Variants in ATXN7L3B observed in about 807,000 individuals in gnomAD.
ATXN7L3B encodes the protein ataxin 7 like 3B.
ATXN7L3B carries 4 observed loss-of-function variants against 6.3 expected under a neutral mutation model. The observed-to-expected ratio is 0.63, with a 90% CI of 0.31 to 1.45. The LOEUF (loss-of-function observed/expected upper bound fraction) is 1.45, where lower values mean the gene tolerates loss of function less well. Ranked by LOEUF, ATXN7L3B falls within the 40% of genes most tolerant of loss-of-function variation. The pLI is 0.07. For synonymous variants in ATXN7L3B, 63 were observed against 48.0 expected, an observed-to-expected ratio of 1.31 and a Z score of -1.29; for missense variants, 120 against 118.5, an observed-to-expected ratio of 1.01 and a Z score of -0.06.
chr12:74,543,608 T>A lies in ATXN7L3B; in HGVS notation c.*5202T>A, dbSNP rs1296658014. 4 of 152,006 alleles carry A rather than the reference T, an allele frequency of 2.6e-5. No individual in the cohort carries two copies. The highest frequency in any genetic ancestry group is 1.9e-4 in the East Asian group (1 of 5,192). The allele number at this position is 152,006 out of a possible 1,614,324, so 9.4% of individuals were successfully genotyped here. On this transcript the variant is annotated 3_prime_UTR_variant, in exon 1 of 1. Coordinates refer to ENST00000519948, the MANE Select transcript of ATXN7L3B (RefSeq NM_001136262.2). ...AATAATACCAAAATAGATTTTTTTT[T>A]TAAATGAAGATGTTAGCAAACCAAC...
chr12:74,544,769 C>T lies in ATXN7L3B; in HGVS notation c.*6363C>T, dbSNP rs549414564. The T allele has an allele frequency of 5.9e-5, 9 of 151,912 alleles. No individual in the cohort carries two copies. The South Asian group carries it at 1.5e-3, about 25-fold the overall frequency. The allele number at this position is 151,912 out of a possible 1,614,324, so 9.4% of individuals were successfully genotyped here. A position where few individuals can be genotyped will look rare whatever the true frequency, so the allele number is the denominator to read the frequency against. ...AACATAGAGAAAAGATTGATGTGTT[C>T]GACCATAATAAAAATAGAACTTTCT... On this transcript the variant is annotated 3_prime_UTR_variant, in exon 1 of 1. Coordinates refer to ENST00000519948, the MANE Select transcript of ATXN7L3B (RefSeq NM_001136262.2).
At position 74,544,759 on chromosome 12, in the gene ATXN7L3B, T is replaced by C. The variant is rs563801436; in HGVS notation, c.*6353T>C. 2.3e-4 allele frequency: 35 copies of C among 152,144 alleles called. No homozygotes were observed. The highest frequency in any genetic ancestry group is 7.9e-4 in the African/African-American group (33 of 41,570). 9.4% of individuals were successfully genotyped at this position (152,144 alleles called of 1,614,324 possible). A position where few individuals can be genotyped will look rare whatever the true frequency, so the allele number is the denominator to read the frequency against. On this transcript the variant is annotated 3_prime_UTR_variant, in exon 1 of 1. Coordinates refer to ENST00000519948, the MANE Select transcript of ATXN7L3B (RefSeq NM_001136262.2). The stretch of plus-strand genomic sequence containing the variant: ...AAAAGTACAAAACATAGAGAAAAGA[T>C]TGATGTGTTCGACCATAATAAAAAT...
At position 74,538,280 on chromosome 12, in the gene ATXN7L3B, G is replaced by A. The variant is rs765467134; in HGVS notation, c.168G>A (p.Val56=). The change falls in exon 1 of 1, where the codon GTG becomes GTA. Residue 56 remains valine (V), a synonymous_variant. Transcript: ENST00000519948. ...TGGAGTTCGCAGAGACTGGTAGCGT[G>A]AAGGATTTTGGCATTCAGCCAGTGG... ...FYLEFAETGS[V]KDFGIQPVED... The A allele has an allele frequency of 5.7e-6, 9 of 1,568,168 alleles. No homozygotes were observed. The South Asian group carries it at 9.4e-5, about 16-fold the overall frequency.
chr12:74,540,056 CT>C lies in ATXN7L3B; in HGVS notation c.*1656del, dbSNP rs78518899. ...CCTGCTTCCGAAGCCTGCCCAATTTCTTTTTTCTTGGCCTCTGTTTTTTTTT... is the reference window on the plus strand; with the variant it reads ...CCTGCTTCCGAAGCCTGCCCAATTTCTTTTTCTTGGCCTCTGTTTTTTTTT... On this transcript the variant is annotated 3_prime_UTR_variant, in exon 1 of 1. Coordinates refer to ENST00000519948, the MANE Select transcript of ATXN7L3B (RefSeq NM_001136262.2). The C allele has an allele frequency of 0.068, 10,358 of 151,966 alleles. 893 individuals carry two copies. The highest frequency in any genetic ancestry group is 0.5 in the East Asian group (2,424 of 4,856). The allele number at this position is 151,966 out of a possible 1,614,324, so 9.4% of individuals were successfully genotyped here. A position where few individuals can be genotyped will look rare whatever the true frequency, so the allele number is the denominator to read the frequency against.
In ATXN7L3B at chr12:74,544,124, T is replaced by A. The variant is rs997270517; in HGVS notation, c.*5718T>A. The A allele has an allele frequency of 5.3e-5, 8 of 152,024 alleles. No individual in the cohort carries two copies. Among genetic ancestry groups the A allele is most frequent in the Non-Finnish European group, 1.0e-4 (7 of 67,868 alleles). 9.4% of individuals were successfully genotyped at this position (152,024 alleles called of 1,614,324 possible). A position where few individuals can be genotyped will look rare whatever the true frequency, so the allele number is the denominator to read the frequency against. On this transcript the variant is annotated 3_prime_UTR_variant, in exon 1 of 1. Transcript: ENST00000519948. ...ATAAGATCAATATCTAAAATCAGAA[T>A]ACCAACATTTAAAAAGTGTTATTAA...
At position 74,541,129 on chromosome 12, in the gene ATXN7L3B, A is replaced by AGT. The variant is rs3031589; in HGVS notation, c.*2738_*2739dup. The stretch of plus-strand genomic sequence containing the variant: ...ACCCTGCAATCCTATTATGTATCTG[A>AGT]GTGTGTGTGTGTGTGTATGTGTGTG... On this transcript the variant is annotated 3_prime_UTR_variant, in exon 1 of 1. Transcript: ENST00000519948. The AGT allele has an allele frequency of 3.1e-3, 507 of 162,930 alleles. 1 individual carries two copies. Among genetic ancestry groups the AGT allele is most frequent in the Non-Finnish European group, 4.6e-3 (307 of 67,180 alleles). The allele number at this position is 162,930 out of a possible 1,614,324, so 10.1% of individuals were successfully genotyped here. A position where few individuals can be genotyped will look rare whatever the true frequency, so the allele number is the denominator to read the frequency against.
chr12:74,542,553 G>A lies in ATXN7L3B; in HGVS notation c.*4147G>A, dbSNP rs546636079. ...GGTTATTTCTTATGTTTTCTGACTA[G>A]TATGATCTTTAAAGAAAAAAAAAAA... On this transcript the variant is annotated 3_prime_UTR_variant, in exon 1 of 1. Transcript: ENST00000519948. 5 of 117,298 alleles carry A rather than the reference G, an allele frequency of 4.3e-5. No individual in the cohort carries two copies. The South Asian group carries it at 1.6e-3, about 37-fold the overall frequency. The allele number at this position is 117,298 out of a possible 1,614,324, so 7.3% of individuals were successfully genotyped here.
chr12:74,538,381 A>G lies in ATXN7L3B; in HGVS notation c.269A>G (p.Gln90Arg). Residue 90 changes from glutamine (Q) to arginine (R), a missense_variant, in exon 1 of 1, where the codon CAG becomes CGG. Coordinates refer to ENST00000519948, the MANE Select transcript of ATXN7L3B (RefSeq NM_001136262.2). ...GGGAATGGGCCTGATCAGCAGCTGC[A>G]GCGCTCACCTCCGGAATTCCAGTAG... ...EPGNGPDQQLQRSPPEFQ is the reference protein window; with the variant it reads ...EPGNGPDQQLRRSPPEFQ 1 of 1,551,500 alleles carries G rather than the reference A, an allele frequency of 6.4e-7. No homozygotes were observed. The highest frequency in any genetic ancestry group is 8.7e-7 in the Non-Finnish European group (1 of 1,146,804).
chr12:74,538,257 G>C lies in ATXN7L3B; in HGVS notation c.145G>C (p.Glu49Gln). The C allele has an allele frequency of 6.3e-7, 1 of 1,588,318 alleles. No homozygotes were observed. The highest frequency in any genetic ancestry group is 8.6e-7 in the Non-Finnish European group (1 of 1,167,174). ...RAVKCGYFYLEFAETGSVKDF... is the reference protein window; with the variant it reads ...RAVKCGYFYLQFAETGSVKDF... ...AGTCAAGTGTGGCTACTTCTACCTG[G>C]AGTTCGCAGAGACTGGTAGCGTGAA... The change falls in exon 1 of 1, where the codon GAG becomes CAG. Residue 49 changes from glutamate to glutamine, a missense_variant. Coordinates refer to ENST00000519948, the MANE Select transcript of ATXN7L3B (RefSeq NM_001136262.2).
In ATXN7L3B at chr12:74,542,135, G is replaced by T. The variant is rs1478815171; in HGVS notation, c.*3729G>T. ...ATAGGATACCTCAGGGAAGCTTATA[G>T]ATGTGTAACATGGTATTGAGTCTTC... On this transcript the variant is annotated 3_prime_UTR_variant, in exon 1 of 1. Coordinates refer to ENST00000519948, the MANE Select transcript of ATXN7L3B (RefSeq NM_001136262.2). 1 of 152,190 alleles carries T rather than the reference G, an allele frequency of 6.6e-6. No individual in the cohort carries two copies. Among genetic ancestry groups the T allele is most frequent in the Non-Finnish European group, 1.5e-5 (1 of 68,018 alleles). The allele number at this position is 152,190 out of a possible 1,614,324, so 9.4% of individuals were successfully genotyped here. A position where few individuals can be genotyped will look rare whatever the true frequency, so the allele number is the denominator to read the frequency against.
rs1019008037 is a variant in ATXN7L3B, at chr12:74,539,030, C to G, written c.*624C>G. ...TCAAAACCACGTGTTTCCCAAAAGTCCAGACTACAATGATTCAGCTGACTT... is the reference window on the plus strand; with the variant it reads ...TCAAAACCACGTGTTTCCCAAAAGTGCAGACTACAATGATTCAGCTGACTT... On this transcript the variant is annotated 3_prime_UTR_variant, in exon 1 of 1. Transcript: ENST00000519948. 4.8e-5 allele frequency: 8 copies of G among 167,994 alleles called. No individual in the cohort carries two copies. The highest frequency in any genetic ancestry group is 1.9e-4 in the African/African-American group (8 of 41,470). 10.4% of individuals were successfully genotyped at this position (167,994 alleles called of 1,614,324 possible). A position where few individuals can be genotyped will look rare whatever the true frequency, so the allele number is the denominator to read the frequency against.
chr12:74,540,071 CTGTTT>C lies in ATXN7L3B; in HGVS notation c.*1667_*1671del, dbSNP rs1868843843. The C allele has an allele frequency of 3.2e-5, 1 of 31,368 alleles. No homozygotes were observed. The highest frequency in any genetic ancestry group is 3.1e-4 in the Non-Finnish European group (1 of 3,200). 1.9% of individuals were successfully genotyped at this position (31,368 alleles called of 1,614,324 possible). A position where few individuals can be genotyped will look rare whatever the true frequency, so the allele number is the denominator to read the frequency against. On this transcript the variant is annotated 3_prime_UTR_variant, in exon 1 of 1. Coordinates refer to ENST00000519948, the MANE Select transcript of ATXN7L3B (RefSeq NM_001136262.2). ...TGCCCAATTTCTTTTTTCTTGGCCT[CTGTTT>C]TTTTTTTTTCTTTCTTTTTCCCTTG...
chr12:74,543,957 C>G lies in ATXN7L3B; in HGVS notation c.*5551C>G, dbSNP rs974729092. On this transcript the variant is annotated 3_prime_UTR_variant, in exon 1 of 1. Transcript: ENST00000519948. ...TGGAAGAAACAAAATTTTTACTGTT[C>G]TAAGATGATATTTACATGAACAATT... 2.6e-5 allele frequency: 4 copies of G among 151,920 alleles called. No homozygotes were observed. Among genetic ancestry groups the G allele is most frequent in the African/African-American group, 9.7e-5 (4 of 41,412 alleles). The allele number at this position is 151,920 out of a possible 1,614,324, so 9.4% of individuals were successfully genotyped here.
rs1485057377 is a variant in ATXN7L3B, at chr12:74,542,533, T to C, written c.*4127T>C. The C allele has an allele frequency of 6.6e-6, 1 of 150,862 alleles. No individual in the cohort carries two copies. Among genetic ancestry groups the C allele is most frequent in the Non-Finnish European group, 1.5e-5 (1 of 67,700 alleles). The allele number at this position is 150,862 out of a possible 1,614,324, so 9.3% of individuals were successfully genotyped here. On this transcript the variant is annotated 3_prime_UTR_variant, in exon 1 of 1. Coordinates refer to ENST00000519948, the MANE Select transcript of ATXN7L3B (RefSeq NM_001136262.2). ...CTTGACAATGGGACTTTGAAGGTTA[T>C]TTCTTATGTTTTCTGACTAGTATGA...
Position 74,544,699 on chromosome 12 carries a change from T to A in ATXN7L3B, c.*6293T>A, listed in dbSNP as rs1188461496. ...ATCTTTCTAGAAAAATATAGGAGGA[T>A]GTGTTCATAATTGTGTATAAGGGGA... On this transcript the variant is annotated 3_prime_UTR_variant, in exon 1 of 1. Transcript: ENST00000519948. 1 of 152,008 alleles carries A rather than the reference T, an allele frequency of 6.6e-6. No homozygotes were observed. The highest frequency in any genetic ancestry group is 3.2e-3 in the Middle Eastern group (1 of 316). The allele number at this position is 152,008 out of a possible 1,614,324, so 9.4% of individuals were successfully genotyped here. A position where few individuals can be genotyped will look rare whatever the true frequency, so the allele number is the denominator to read the frequency against.
rs1331713084 is a variant in ATXN7L3B at position 74,538,506 on chromosome 12, A to G, written c.*100A>G. 1 of 1,137,532 alleles carries G rather than the reference A, an allele frequency of 8.8e-7. No homozygotes were observed. The highest frequency in any genetic ancestry group is 1.6e-5 in the African/African-American group (1 of 63,734). 70.5% of individuals were successfully genotyped at this position (1,137,532 alleles called of 1,614,324 possible). On this transcript the variant is annotated 3_prime_UTR_variant, in exon 1 of 1. Coordinates refer to ENST00000519948, the MANE Select transcript of ATXN7L3B (RefSeq NM_001136262.2). ...TAGAAAAAAGTAGAAAAATCAGACA[A>G]AAGTTTTAATTCCCCCTTGAAGATC... is the stretch of plus-strand genomic sequence containing the variant.
rs1430390576 is a variant in ATXN7L3B at position 74,543,110 on chromosome 12, GTATT to G, written c.*4706_*4709del. The G allele has an allele frequency of 6.6e-6, 1 of 151,908 alleles. No individual in the cohort carries two copies. The allele number at this position is 151,908 out of a possible 1,614,324, so 9.4% of individuals were successfully genotyped here. ...TAAACTCTTGGCGGTGTTTTTGTTT[GTATT>G]TGTTTTCCCATTTTTGAAAACATTT... On this transcript the variant is annotated 3_prime_UTR_variant, in exon 1 of 1. Coordinates refer to ENST00000519948, the MANE Select transcript of ATXN7L3B (RefSeq NM_001136262.2).
chr12:74,543,735 T>A lies in ATXN7L3B; in HGVS notation c.*5329T>A, dbSNP rs547171708. On this transcript the variant is annotated 3_prime_UTR_variant, in exon 1 of 1. Coordinates refer to ENST00000519948, the MANE Select transcript of ATXN7L3B (RefSeq NM_001136262.2). ...ACATTACCATTAGAGAAAATCCATG[T>A]GAAAATTTGAACTGATACTGAAAAA... 3.6e-4 allele frequency: 55 copies of A among 152,090 alleles called. 1 individual carries two copies. Among genetic ancestry groups the A allele is most frequent in the African/African-American group, 1.2e-3 (49 of 41,552 alleles). 9.4% of individuals were successfully genotyped at this position (152,090 alleles called of 1,614,324 possible).
Position 74,539,006 on chromosome 12 carries a change from C to G in ATXN7L3B, c.*600C>G, listed in dbSNP as rs184459910. The G allele has an allele frequency of 5.9e-4, 99 of 168,220 alleles. No homozygotes were observed. Among genetic ancestry groups the G allele is most frequent in the Admixed American group, 9.7e-4 (15 of 15,494 alleles). 10.4% of individuals were successfully genotyped at this position (168,220 alleles called of 1,614,324 possible). Reference sequence around the variant, plus strand: ...CTTGACTCCAGCAAGAAGAAAAGGTCAAAACCACGTGTTTCCCAAAAGTCC... The same window carrying G: ...CTTGACTCCAGCAAGAAGAAAAGGTGAAAACCACGTGTTTCCCAAAAGTCC... On this transcript the variant is annotated 3_prime_UTR_variant, in exon 1 of 1. Transcript: ENST00000519948.
Sources: allele counts gnomAD v4.1 joint callset, GRCh38; gene constraint gnomAD v4.1.1; transcripts MANE v1.5; gene names NCBI Gene and HGNC (gene_info 2026-07-23, HGNC 2026-07-21).